The following GAL3ST2 variants were observed in gnomAD, a reference collection of about 807,000 sequenced individuals.
GAL3ST2 encodes the protein beta-galactose-3-O-sulfotransferase 2.
Under a neutral mutation model 12.9 loss-of-function variants are expected in GAL3ST2, and 16 were observed. The observed-to-expected ratio is 1.24, with a 90% CI of 0.84 to 1.88. The LOEUF is 1.88. Among genes scored for constraint, GAL3ST2 ranks in the 40% most tolerant of loss-of-function variants. The pLI is 0.00. For synonymous variants in GAL3ST2, 302 were observed against 273.9 expected, an observed-to-expected ratio of 1.10 and a Z score of -1.01; for missense variants, 639 against 571.8, an observed-to-expected ratio of 1.12 and a Z score of -1.20.
At chr2:241,798,942 T>C (rs926858693) in intron 1 of GAL3ST2, 123 bp from the exon 2 acceptor site, 72 of 764,138 alleles carry the variant, frequency 9.4e-5, no homozygotes, top group Non-Finnish European at 1.5e-4. Flanking sequence ...GGACAAGACG[T>C]TACAGAGGTG....
chr2:241,803,784 C>A lies in GAL3ST2; in HGVS notation c.815C>A (p.Ala272Glu). 1 of 1,504,758 alleles carries A rather than the reference C, an allele frequency of 6.6e-7. No individual in the cohort carries two copies. The highest frequency in any genetic ancestry group is 8.8e-7 in the Non-Finnish European group (1 of 1,133,810). 93.2% of individuals were successfully genotyped at this position (1,504,758 alleles called of 1,614,324 possible). A position where few individuals can be genotyped will look rare whatever the true frequency, so the allele number is the denominator to read the frequency against. The change falls in exon 4 of 4, where the codon GCG becomes GAG. Residue 272 changes from alanine to glutamate, a missense_variant. Ala to Glu is a moderately radical substitution (Grantham distance 107). Transcript: ENST00000192314. ...ARLSPETRER[A>E]RSWCALDWRL... The stretch of plus-strand genomic sequence containing the variant: ...CTGTCGCCCGAGACCCGGGAGCGCG[C>A]GCGGAGCTGGTGCGCGCTGGACTGG...
intron 3 of GAL3ST2, 71 bp from the exon 4 acceptor site, chr2:241,803,274 C>A: frequency 7.6e-7 from 1 of 1,314,030 alleles, no homozygotes; most frequent in Non-Finnish European, 1.0e-6. Flanking sequence ...CCAGGGCGCG[C>A]CTCCTCCCCG....
Position 241,782,051 on chromosome 2 carries a change from A to G in GAL3ST2, c.29+5067A>G, listed in dbSNP as rs115511882. 6.0e-3 allele frequency among the ~76,000 whole-genome samples: 886 copies of G among 148,302 alleles called. 3 individuals are homozygous for G. The highest frequency in any genetic ancestry group is 9.3e-3 in the Non-Finnish European group (625 of 67,356). The stretch of plus-strand genomic sequence containing the variant: ...TTCAAAATTTTATAAATGATCTATA[A>G]CATTTTAATCTTGATCATAAGATAC... On this transcript the variant is annotated intron_variant, in intron 1 of 3. Coordinates refer to ENST00000192314, the MANE Select transcript of GAL3ST2 (RefSeq NM_022134.3).
intron 1 of GAL3ST2, 65 bp downstream of exon 1, chr2:241,777,049 G>A (rs1013247522): frequency 1.1e-5 from 14 of 1,329,180 alleles, no homozygotes; most frequent in South Asian, 3.6e-5. Context: ...TCTGAGAGAC[G>A]GACAGGAGTG....
chr2:241,798,004 AC>A (rs1699794021), intron 1 of GAL3ST2, among the ~76,000 whole-genome samples: 1 of 151,644 alleles, frequency 6.6e-6, no homozygotes, highest in Admixed American at 6.6e-5. Flanking sequence ...CCACGTGGCA[AC>A]CCCCCATCAC....
In GAL3ST2 at chr2:241,795,909, C is replaced by G. The variant is rs893298479; in HGVS notation, c.30-3156C>G. Among the ~76,000 whole-genome samples the G allele has an allele frequency of 3.9e-5, 6 of 152,188 alleles. No homozygotes were observed. The highest frequency in any genetic ancestry group is 1.2e-4 in the African/African-American group (5 of 41,432). Reference sequence around the variant, plus strand: ...CCTCTTCAAGGTGGTTCCATTTTGACGTAAGGACTGGAGGGGTGCATTGAA... The same window carrying G: ...CCTCTTCAAGGTGGTTCCATTTTGAGGTAAGGACTGGAGGGGTGCATTGAA... On this transcript the variant is annotated intron_variant, in intron 1 of 3. Coordinates refer to ENST00000192314, the MANE Select transcript of GAL3ST2 (RefSeq NM_022134.3). The surrounding 1 kb of genome is among the most constrained non-coding windows in gnomAD (Gnocchi z 4.5).
chr2:241,803,598 T>TGCGC lies in GAL3ST2; in HGVS notation c.636_639dup (p.Ile214AlafsTer161). 2 of 1,573,840 alleles carry TGCGC rather than the reference T, an allele frequency of 1.3e-6. No individual in the cohort carries two copies. The highest frequency in any genetic ancestry group is 1.7e-6 in the Non-Finnish European group (2 of 1,158,814). ...AACGCGCAGTGCGAGGAGGGCTACGTGCGCGCGCGCATCGCCGAGGTGGAG... is the reference window on the plus strand; with the variant it reads ...AACGCGCAGTGCGAGGAGGGCTACGTGCGCGCGCGCGCGCATCGCCGAGGTGGAG... On this transcript the variant is annotated frameshift_variant, in exon 4 of 4. Transcript: ENST00000192314. LOFTEE classifies it low-confidence loss of function (END_TRUNC).
Position 241,793,155 on chromosome 2 carries a change from G to A in GAL3ST2, c.30-5910G>A, listed in dbSNP as rs1331723738. Reference sequence around the variant, plus strand: ...CCTCCTGAGGCTGGGTCATGGGTGCGCGTCCTCACCCTTGGCAAAGTAAGC... The same window carrying A: ...CCTCCTGAGGCTGGGTCATGGGTGCACGTCCTCACCCTTGGCAAAGTAAGC... On this transcript the variant is annotated intron_variant, in intron 1 of 3. Transcript: ENST00000192314. The surrounding 1 kb of genome is among the most constrained non-coding windows in gnomAD (Gnocchi z 4.7). Among the ~76,000 whole-genome samples the A allele has an allele frequency of 3.3e-5, 5 of 152,240 alleles. No individual in the cohort carries two copies. Among genetic ancestry groups the A allele is most frequent in the Non-Finnish European group, 7.3e-5 (5 of 68,036 alleles).
At position 241,801,963 on chromosome 2, in the gene GAL3ST2, G is replaced by A. The variant is rs562597003; in HGVS notation, c.302G>A (p.Arg101His). 3.1e-6 allele frequency: 5 copies of A among 1,613,048 alleles called. No homozygotes were observed. The highest frequency in any genetic ancestry group is 4.2e-6 in the Non-Finnish European group (5 of 1,179,934). Reference sequence around the variant, plus strand: ...GGCTACCCCTGGCTCTTCCTGGCGCGCTACGTGGAAGGCGTGGGGTCGCAG... The same window carrying A: ...GGCTACCCCTGGCTCTTCCTGGCGCACTACGTGGAAGGCGTGGGGTCGCAG... ...HLGYPWLFLA[R>H]YVEGVGSQQR... Residue 101 changes from arginine to histidine, a missense_variant, in exon 3 of 4, where the codon CGC becomes CAC. Arg to His is a conservative substitution (Grantham distance 29). Transcript: ENST00000192314. The surrounding 1 kb of genome is among the most constrained non-coding windows in gnomAD (Gnocchi z 4.4).
In GAL3ST2 at chr2:241,800,591, A is replaced by T. The variant is rs1167833269; in HGVS notation, c.120-1190A>T. Among the ~76,000 whole-genome samples, 1 of 152,108 alleles carries T rather than the reference A, an allele frequency of 6.6e-6. No homozygotes were observed. The highest frequency in any genetic ancestry group is 1.5e-5 in the Non-Finnish European group (1 of 68,012). On this transcript the variant is annotated intron_variant, in intron 2 of 3. Coordinates refer to ENST00000192314, the MANE Select transcript of GAL3ST2 (RefSeq NM_022134.3). The surrounding 1 kb of genome is among the most constrained non-coding windows in gnomAD (Gnocchi z 5.2). ...AGAAGGTGGAGCCGGGACGGGAAGC[A>T]CTCGGTGCGCAGCCTCTGTAAACCG...
chr2:241,782,481 A>G (rs539139301), intron 1 of GAL3ST2, among the ~76,000 whole-genome samples: 2 of 152,126 alleles, frequency 1.3e-5, no homozygotes, highest in African/African-American at 2.4e-5. Context: ...ACTCACCACC[A>G]TGCCTGGCTA....
At chr2:241,779,214 A>ATTTTTTTTTTTTT (rs56979777) in intron 1 of GAL3ST2, among the ~76,000 whole-genome samples, 2 of 54,546 alleles carry the variant, frequency 3.7e-5, no homozygotes, top group Admixed American at 2.7e-4. Flanking sequence ...AGGAAAGCTC[A>ATTTTTTTTTTTTT]TTTTTTTTTT....
intron 1 of GAL3ST2, among the ~76,000 whole-genome samples, chr2:241,792,722 C>T (rs1167137562): frequency 1.3e-5 from 2 of 152,008 alleles, no homozygotes; most frequent in Non-Finnish European, 2.9e-5. Context: ...GGAGAGCTTT[C>T]TCCAAGATTT....
At chr2:241,789,053 C>T (rs751765498) in intron 1 of GAL3ST2, among the ~76,000 whole-genome samples, 20 of 152,290 alleles carry the variant, frequency 1.3e-4, no homozygotes, top group East Asian at 1.9e-4. Flanking sequence ...GGAAGTAAGA[C>T]AGTCTTTGTG....
intron 1 of GAL3ST2, among the ~76,000 whole-genome samples, chr2:241,781,735 CTT>C (rs747642654): frequency 2.0e-5 from 3 of 151,614 alleles, no homozygotes; most frequent in Non-Finnish European, 4.4e-5. Context: ...TCCTGTATAA[CTT>C]TTATACCAAA....
intron 1 of GAL3ST2, 152 bp from the exon 2 acceptor site, chr2:241,798,913 C>T (rs1337273120): frequency 1.6e-5 from 11 of 673,468 alleles, no homozygotes; most frequent in African/African-American, 3.5e-5. Flanking sequence ...GCCCATGGGC[C>T]GGCACCCAGT....
intron 1 of GAL3ST2, among the ~76,000 whole-genome samples, chr2:241,794,181 C>T (rs942265852): frequency 6.6e-6 from 1 of 152,162 alleles, no homozygotes; most frequent in African/African-American, 2.4e-5. Flanking sequence ...CTCCTTGACT[C>T]AATTGATCTT....
At chr2:241,778,449 T>C (rs1699522158) in intron 1 of GAL3ST2, among the ~76,000 whole-genome samples, 1 of 152,184 alleles carries the variant, frequency 6.6e-6, no homozygotes, top group African/African-American at 2.4e-5. Context: ...ATCTTTTGTT[T>C]TGCTGGTGAT....
rs746595857 is a variant in GAL3ST2, at chr2:241,803,933, C to G, written c.964C>G (p.Leu322Val). The G allele has an allele frequency of 6.9e-7, 1 of 1,453,042 alleles. No homozygotes were observed. The highest frequency in any genetic ancestry group is 9.0e-7 in the Non-Finnish European group (1 of 1,106,186). The allele number at this position is 1,453,042 out of a possible 1,614,324, so 90.0% of individuals were successfully genotyped here. The stretch of plus-strand genomic sequence containing the variant: ...GAGGCGCGAACTCGCGAGCCTGTGC[C>G]TGCAGGACGGCGGCGCGCTCAAGAA... Reference protein sequence around the residue: ...ARRRELASLCLQDGGALKNHT... With the variant: ...ARRRELASLCVQDGGALKNHT... The change falls in exon 4 of 4, where the codon CTG becomes GTG. Residue 322 changes from leucine to valine, a missense_variant. Physicochemically the swap from Leu to Val is conservative, Grantham distance 32. Transcript: ENST00000192314.
Sources: gnomAD v4.1 joint callset for allele counts (sites outside exome capture counted in the v4.1 genomes callset) on GRCh38, gnomAD v4.1.1 for gene constraint, Gnocchi (gnomAD v3.1) non-coding constraint, MANE v1.5 for transcripts, NCBI Gene and HGNC (gene_info 2026-07-23, HGNC 2026-07-21) for gene names.